Variants in COL11A1 observed in about 807,000 individuals in gnomAD.
COL11A1 encodes the protein collagen type XI alpha 1 chain.
Under a neutral mutation model 265.2 loss-of-function variants are expected in COL11A1, and 74 were observed. That is an observed-to-expected ratio of 0.28 (90% CI 0.23 to 0.34). The LOEUF is 0.34. Ranked by LOEUF, COL11A1 falls within the 10% of genes least tolerant of loss-of-function variation. COL11A1 has a pLI of 1.00. For synonymous variants in COL11A1, 816 were observed against 727.6 expected, an observed-to-expected ratio of 1.12 and a Z score of -1.96; for missense variants, 2,165 against 2,263.6, an observed-to-expected ratio of 0.96 and a Z score of 0.88.
At chr1:102,896,143 T>C (rs1021867806) in intron 57 of COL11A1, among the ~76,000 whole-genome samples, 1 of 151,808 alleles carries the variant, frequency 6.6e-6, no homozygotes, top group Non-Finnish European at 1.5e-5. Context: ...TTGAACTCAC[T>C]TAAACTTTAG....
intron 4 of COL11A1, among the ~76,000 whole-genome samples, chr1:103,039,500 A>C (rs1668639791): frequency 6.6e-6 from 1 of 152,214 alleles, no homozygotes. Context: ...GTCTCCTTTA[A>C]GAAAGGAGTA....
intron 4 of COL11A1, among the ~76,000 whole-genome samples, chr1:103,074,097 A>G (rs1388707154): frequency 1.3e-5 from 2 of 152,118 alleles, no homozygotes; most frequent in Admixed American, 1.3e-4. Flanking sequence ...TGTGATTATC[A>G]TAATTAGTGA....
chr1:102,891,885 G>A (rs1041393005), intron 57 of COL11A1, among the ~76,000 whole-genome samples: 4 of 151,962 alleles, frequency 2.6e-5, no homozygotes, highest in Non-Finnish European at 5.9e-5. Context: ...CCTGTCGCTA[G>A]AGAAAGTAAA....
At chr1:102,958,627 T>C (rs1660600083) in intron 41 of COL11A1, among the ~76,000 whole-genome samples, 1 of 152,222 alleles carries the variant, frequency 6.6e-6, no homozygotes. Flanking sequence ...ATGTGTATGG[T>C]GTCTTCCTTT....
chr1:102,943,835 A>G (rs543628250), intron 42 of COL11A1, among the ~76,000 whole-genome samples: 19 of 152,244 alleles, frequency 1.2e-4, no homozygotes, highest in African/African-American at 4.6e-4. Context: ...CCCAATTTCT[A>G]CAACTGTCCC....
At chr1:102,969,061 A>G (rs1661705207) in intron 37 of COL11A1, among the ~76,000 whole-genome samples, 1 of 152,192 alleles carries the variant, frequency 6.6e-6, no homozygotes, top group Non-Finnish European at 1.5e-5. Flanking sequence ...TAGAAAGTTT[A>G]TTTCTGCTCC....
chr1:102,879,848 A>T lies in COL11A1; in HGVS notation c.5109T>A (p.Thr1703=), dbSNP rs1162078062. The T allele has an allele frequency of 3.1e-6, 5 of 1,613,872 alleles. No homozygotes were observed. In the African/African-American group the frequency reaches 6.7e-5, roughly 22 times the overall value. Residue 1703 remains threonine, a synonymous_variant, in exon 66 of 67, where the codon ACT becomes ACA. Transcript: ENST00000370096. ...AGGTGAAATTTTGCCGAGCAGAGGC[A>T]GTCAGAAGTTTCAGGAATGTCATTT... ...MVQMTFLKLL[T]ASARQNFTYH...
intron 4 of COL11A1, among the ~76,000 whole-genome samples, chr1:103,046,978 T>C (rs1669325925): frequency 6.6e-6 from 1 of 152,214 alleles, no homozygotes; most frequent in African/African-American, 2.4e-5. Context: ...TCTATTTTGG[T>C]ACAAGTACCA....
chr1:102,992,929 G>A (rs1045938369), intron 28 of COL11A1, among the ~76,000 whole-genome samples: 5 of 151,976 alleles, frequency 3.3e-5, no homozygotes, highest in African/African-American at 4.8e-5. Context: ...AAAACAATGA[G>A]CAATTGTTAA....
chr1:102,920,331 C>T lies in COL11A1; in HGVS notation c.3742G>A (p.Val1248Ile). 2 of 1,613,386 alleles carry T rather than the reference C, an allele frequency of 1.2e-6. No homozygotes were observed. The highest frequency in any genetic ancestry group is 1.7e-6 in the Non-Finnish European group (2 of 1,179,432). ...PQGPPGSVGS[V>I]GGVGEKGEPG... ...TTTACCTTTTCTCCAACACCACCAA[C>T]TGAACCAACAGACCCTGGGGGTCCT... is the stretch of plus-strand genomic sequence containing the variant. Residue 1248 changes from valine to isoleucine, a missense_variant, in exon 49 of 67, where the codon GTT becomes ATT. Val to Ile is a conservative substitution (Grantham distance 29). Coordinates refer to ENST00000370096, the MANE Select transcript of COL11A1 (RefSeq NM_001854.4).
intron 8 of COL11A1, 50 bp from the exon 9 acceptor site, chr1:103,021,819 T>C: frequency 8.1e-7 from 1 of 1,239,828 alleles, no homozygotes; most frequent in Non-Finnish European, 1.2e-6. Context: ...AGACCATTTC[T>C]TTCTTTCTTT....
chr1:102,912,705 T>C (rs1323223249), intron 53 of COL11A1, among the ~76,000 whole-genome samples: 1 of 152,162 alleles, frequency 6.6e-6, no homozygotes, highest in Admixed American at 6.6e-5. Flanking sequence ...ATAATCCCCA[T>C]GTATCCTGAG....
intron 43 of COL11A1, 52 bp downstream of exon 43, chr1:102,940,275 C>T (rs1026775527): frequency 7.0e-7 from 1 of 1,438,162 alleles, no homozygotes; most frequent in Non-Finnish European, 9.8e-7. Flanking sequence ...GAATTCTTGA[C>T]AAAAATTAAG....
At chr1:102,960,850 T>G (rs1201078446) in intron 41 of COL11A1, among the ~76,000 whole-genome samples, 1 of 152,028 alleles carries the variant, frequency 6.6e-6, no homozygotes, top group Non-Finnish European at 1.5e-5. Context: ...AGGATGGGTA[T>G]GATAGAGGAA....
chr1:103,060,736 T>C (rs887707473), intron 4 of COL11A1, among the ~76,000 whole-genome samples: 1 of 151,994 alleles, frequency 6.6e-6, no homozygotes, highest in Admixed American at 6.6e-5. Context: ...CCAAGGCTGG[T>C]GGATTTATTG....
chr1:102,957,076 C>G (rs1250864329), intron 41 of COL11A1, among the ~76,000 whole-genome samples: 1 of 151,696 alleles, frequency 6.6e-6, no homozygotes, highest in Admixed American at 6.6e-5. Flanking sequence ...ATTTGTTTTA[C>G]AAATAAAGTT....
At chr1:102,905,418 A>G (rs1653847558) in intron 54 of COL11A1, among the ~76,000 whole-genome samples, 1 of 142,308 alleles carries the variant, frequency 7.0e-6, no homozygotes, top group South Asian at 2.2e-4. Flanking sequence ...GAGAGAAAGG[A>G]AGGAAGGAAG....
intron 57 of COL11A1, among the ~76,000 whole-genome samples, chr1:102,896,159 T>C (rs1652397760): frequency 6.6e-6 from 1 of 150,888 alleles, no homozygotes. Flanking sequence ...TTTAGAAATA[T>C]CACTGGATAG....
At chr1:102,962,877 T>C (rs931587510) in intron 38 of COL11A1, 117 bp from the exon 39 acceptor site, 1 of 897,632 alleles carries the variant, frequency 1.1e-6, no homozygotes, top group Admixed American at 2.0e-5. Flanking sequence ...CTTATTCTCA[T>C]GATGTCCTAC....
Sources: allele counts gnomAD v4.1 joint callset (sites outside exome capture counted in the v4.1 genomes callset), GRCh38; gene constraint gnomAD v4.1.1; transcripts MANE v1.5; gene names NCBI Gene and HGNC (gene_info 2026-07-23, HGNC 2026-07-21).